THAP5: variants seen among roughly 807,000 people sequenced by gnomAD.
THAP5 encodes the protein THAP domain-containing protein 5.
THAP5 carries 26 observed loss-of-function variants against 34.0 expected under a neutral mutation model. The observed-to-expected ratio is 0.77, with a 90% confidence interval of 0.56 to 1.06. The LOEUF (loss-of-function observed/expected upper bound fraction) is 1.06. THAP5 is among the 50% of genes least tolerant of loss of function. The probability of loss-of-function intolerance (pLI) is 0.00; values close to 1 mark genes in which losing one functional copy is unlikely to be tolerated. For missense variants in THAP5, 394 were observed against 452.8 expected (o/e 0.87, Z 1.18); for synonymous variants, 125 against 153.0 (o/e 0.82, Z 1.35).
chr7:108,567,303 CA>C (rs1790506654), intron 1 of THAP5, among the ~76,000 whole-genome samples: 2 of 152,102 alleles, frequency 1.3e-5, no homozygotes, highest in Non-Finnish European at 2.9e-5. Flanking sequence ...TAAAGGCAGA[CA>C]AATTTTCTTT....
chr7:108,543,966 A>C, the THAP5 span, among the ~76,000 whole-genome samples: 1 of 152,208 alleles, frequency 6.6e-6, no homozygotes, highest in Admixed American at 6.5e-5. Context: ...AAATATAAAA[A>C]AAATTATGAA....
rs553452430 is a variant in THAP5, at chr7:108,564,602, T to C, written c.777A>G (p.Gln259=). ...ENPFLFSTIN[Q]TVEELNTNKE... ...TATTTGTGTTTAATTCTTCAACTGTTTGATTAATTGTGCTGAATAAGAATG... is the reference window on the plus strand; with the variant it reads ...TATTTGTGTTTAATTCTTCAACTGTCTGATTAATTGTGCTGAATAAGAATG... The change falls in exon 3 of 3, where the codon CAA becomes CAG. Residue 259 remains glutamine, a synonymous_variant. Transcript: ENST00000415914. 4.3e-6 allele frequency: 7 copies of C among 1,613,792 alleles called. No individual in the cohort carries two copies. Among genetic ancestry groups the C allele is most frequent in the Non-Finnish European group, 5.9e-6 (7 of 1,179,898 alleles).
chr7:108,566,084 C>CA, intron 1 of THAP5, 62 bp from the exon 2 acceptor site: 1 of 1,385,318 alleles, frequency 7.2e-7, no homozygotes, highest in Non-Finnish European at 9.6e-7. Context: ...ACAATTTTGC[C>CA]AAATTCCCAC....
rs943470075 is a variant in THAP5, at chr7:108,565,196, T to C, written c.274-91A>G. 22 of 1,006,036 alleles carry C rather than the reference T, an allele frequency of 2.2e-5. No individual in the cohort carries two copies. The East Asian group carries it at 3.2e-4, about 15-fold the overall frequency. The allele number at this position is 1,006,036 out of a possible 1,614,324, so 62.3% of individuals were successfully genotyped here. A position where few individuals can be genotyped will look rare whatever the true frequency, so the allele number is the denominator to read the frequency against. ...TTAATTATAATATTGAGTAGTACAC[T>C]GGCCAAGCAAATTTATTTAGTTAAA... is the stretch of plus-strand genomic sequence containing the variant. On this transcript the variant is annotated intron_variant, in intron 2 of 2. Coordinates refer to ENST00000415914, the MANE Select transcript of THAP5 (RefSeq NM_001130475.3).
chr7:108,547,786 T>C, the THAP5 span, among the ~76,000 whole-genome samples: 1 of 152,206 alleles, frequency 6.6e-6, no homozygotes, highest in Non-Finnish European at 1.5e-5. Context: ...GAATAATCGA[T>C]TTTCCATTTC....
At chr7:108,543,083 C>T in the THAP5 span, among the ~76,000 whole-genome samples, 9 of 152,024 alleles carry the variant, frequency 5.9e-5, no homozygotes, top group South Asian at 2.1e-4. Flanking sequence ...CCTGTCACCA[C>T]GCCCGGCTAA....
Position 108,569,673 on chromosome 7 carries a change from G to A in THAP5, c.-104C>T. ...CCAGGCCTCTCGAGCCCCTGCGCCT[G>A]CGCTAGCATTCTGCCGGGAAAGCCG... On this transcript the variant is annotated 5_prime_UTR_variant, in exon 1 of 3. An upstream open reading frame in the 5' UTR gains an earlier in-frame stop. Transcript: ENST00000415914. 1 of 1,433,780 alleles carries A rather than the reference G, an allele frequency of 7.0e-7. No homozygotes were observed. Among genetic ancestry groups the A allele is most frequent in the South Asian group, 1.2e-5 (1 of 81,194 alleles). The allele number at this position is 1,433,780 out of a possible 1,614,324, so 88.8% of individuals were successfully genotyped here.
At chr7:108,565,155 A>AG (rs1173804262) in intron 2 of THAP5, 50 bp from the exon 3 acceptor site, 2 of 1,364,228 alleles carry the variant, frequency 1.5e-6, no homozygotes, top group Non-Finnish European at 2.0e-6. Flanking sequence ...TTATTGGCTT[A>AG]TTATGCTAGT....
downstream of THAP5, among the ~76,000 whole-genome samples, chr7:108,550,789 A>G (rs543866018): frequency 6.3e-4 from 96 of 152,280 alleles, no homozygotes; most frequent in African/African-American, 2.2e-3. Flanking sequence ...AATAAGGCTC[A>G]CCCTAATGGC....
rs1790376679 is a variant in THAP5, at chr7:108,562,696, CATAATT to C, written c.*1489_*1494del. The C allele has an allele frequency of 1.3e-5, 2 of 152,164 alleles. No homozygotes were observed. Among genetic ancestry groups the C allele is most frequent in the African/African-American group, 4.8e-5 (2 of 41,434 alleles). 9.4% of individuals were successfully genotyped at this position (152,164 alleles called of 1,614,324 possible). Reference sequence around the variant, plus strand: ...ACTTCCTCAACATCATAGGCAGAAACATAATTATACTGACTGCCAATTTTAAGAAAA... The same window carrying C: ...ACTTCCTCAACATCATAGGCAGAAACATACTGACTGCCAATTTTAAGAAAA... On this transcript the variant is annotated 3_prime_UTR_variant, in exon 3 of 3. Transcript: ENST00000415914.
At chr7:108,544,376 CA>C in the THAP5 span, among the ~76,000 whole-genome samples, 44 of 151,702 alleles carry the variant, frequency 2.9e-4, no homozygotes, top group African/African-American at 9.7e-4. Context: ...ACTAAAAATA[CA>C]AAAATTAGCT....
At chr7:108,555,804 G>A (rs1054680189) in intron 1 of THAP5, among the ~76,000 whole-genome samples, 1 of 150,232 alleles carries the variant, frequency 6.7e-6, no homozygotes, top group Non-Finnish European at 1.5e-5. Flanking sequence ...CCAGGTTCAA[G>A]CAATTCTTCT....
rs1462377334 is a variant in THAP5 at position 108,564,335 on chromosome 7, T to C, written c.1044A>G (p.Leu348=). 6.2e-7 allele frequency: 1 copy of C among 1,613,898 alleles called. No individual in the cohort carries two copies. The highest frequency in any genetic ancestry group is 8.5e-7 in the Non-Finnish European group (1 of 1,179,896). Residue 348 remains leucine, a synonymous_variant, in exon 3 of 3, where the codon CTA becomes CTG. Coordinates refer to ENST00000415914, the MANE Select transcript of THAP5 (RefSeq NM_001130475.3). The part of the protein sequence containing the change: ...VSKLHSKITL[L]ELKEQQTLGR... ...CTAGAGTTTGTTGCTCTTTTAACTC[T>C]AGAAGAGTTATCTTTGAATGTAGCT... is the stretch of plus-strand genomic sequence containing the variant.
the THAP5 span, among the ~76,000 whole-genome samples, chr7:108,547,247 G>C: frequency 3.0e-4 from 46 of 152,030 alleles, no homozygotes; most frequent in Non-Finnish European, 5.6e-4. Context: ...TTTTTCATCC[G>C]TGGTTCAGGT....
chr7:108,557,314 G>C (rs535257992), downstream of THAP5, among the ~76,000 whole-genome samples: 7 of 152,210 alleles, frequency 4.6e-5, no homozygotes, highest in Admixed American at 4.6e-4. Flanking sequence ...CTTTTCTACC[G>C]CATGTCCAGG....
downstream of THAP5, among the ~76,000 whole-genome samples, chr7:108,552,000 G>C (rs1448836567): frequency 6.6e-6 from 1 of 152,028 alleles, no homozygotes. Context: ...ATGCCTGGAG[G>C]GTATACACTT....
Position 108,564,473 on chromosome 7 carries a change from G to A in THAP5, c.906C>T (p.Asp302=). The A allele has an allele frequency of 6.2e-7, 1 of 1,613,914 alleles. No homozygotes were observed. Among genetic ancestry groups the A allele is most frequent in the Non-Finnish European group, 8.5e-7 (1 of 1,179,918 alleles). ...QKETTEMEDT[D]IEDSLYKDVD... ...CATCCTTATACAAGGAGTCTTCAAT[G>A]TCTGTGTCTTCCATTTCCGTGGTTT... The change falls in exon 3 of 3, where the codon GAC becomes GAT. Residue 302 remains aspartate (D), a synonymous_variant. Coordinates refer to ENST00000415914, the MANE Select transcript of THAP5 (RefSeq NM_001130475.3).
Position 108,564,150 on chromosome 7 carries a change from A to G in THAP5, c.*41T>C. ...TTACATGTAGTTTGGTTTGGCTGGA[A>G]AAAGCTTATTTAACAGCCATAGTTT... is the stretch of plus-strand genomic sequence containing the variant. On this transcript the variant is annotated 3_prime_UTR_variant, in exon 3 of 3. Coordinates refer to ENST00000415914, the MANE Select transcript of THAP5 (RefSeq NM_001130475.3). 1 of 1,485,744 alleles carries G rather than the reference A, an allele frequency of 6.7e-7. No individual in the cohort carries two copies. The highest frequency in any genetic ancestry group is 1.4e-5 in the South Asian group (1 of 72,402). 92.0% of individuals were successfully genotyped at this position (1,485,744 alleles called of 1,614,324 possible).
rs747177012 is a variant in THAP5, at chr7:108,564,387, T to G, written c.992A>C (p.Lys331Thr). ...AGAGACTTTCTGCCAAAGATGTTCC[T>G]TATTTATATCTTGTCTGCAGTAAGA... ...EHSYCRQDIN[K>T]EHLWQKVSKL... is the part of the protein sequence containing the mutation. Residue 331 changes from lysine (K) to threonine (T), a missense_variant, in exon 3 of 3, where the codon AAG becomes ACG. Physicochemically the swap from Lys to Thr is moderately conservative, Grantham distance 78. Transcript: ENST00000415914. 6 of 1,613,838 alleles carry G rather than the reference T, an allele frequency of 3.7e-6. No individual in the cohort carries two copies. Among genetic ancestry groups the G allele is most frequent in the Non-Finnish European group, 5.1e-6 (6 of 1,179,880 alleles).
Sources: gnomAD v4.1 joint callset for allele counts (sites outside exome capture counted in the v4.1 genomes callset) on GRCh38, gnomAD v4.1.1 for gene constraint, MANE v1.5 for transcripts, NCBI Gene and HGNC (gene_info 2026-07-23, HGNC 2026-07-21) for gene names.